Variants in NRG1 observed in about 807,000 individuals in gnomAD.
NRG1 encodes the protein pro-neuregulin-1, membrane-bound isoform.
In NRG1, 18 loss-of-function variants were observed where a neutral mutation model predicts 63.8. That is an observed-to-expected ratio of 0.28 (90% CI 0.19 to 0.42). The LOEUF (loss-of-function observed/expected upper bound fraction) is 0.42, where lower values mean the gene tolerates loss of function less well. Ranked by LOEUF, NRG1 falls within the 10% of genes least tolerant of loss-of-function variation. The pLI, the probability that NRG1 is intolerant of heterozygous loss-of-function variation, is 1.00. For synonymous variants in NRG1, 302 were observed against 301.3 expected (o/e 1.00, Z -0.02); for missense variants, 762 against 814.7 (o/e 0.94, Z 0.79).
chr8:32,494,095 A>G (rs187805634), intron 1 of NRG1, among the ~76,000 whole-genome samples: 53 of 152,332 alleles, frequency 3.5e-4, no homozygotes, highest in African/African-American at 1.1e-3. Flanking sequence ...TTTTACAATA[A>G]TAAAACACTT....
At chr8:31,757,816 G>T (rs1167928481) in intron 1 of NRG1, among the ~76,000 whole-genome samples, 1 of 151,964 alleles carries the variant, frequency 6.6e-6, no homozygotes, top group African/African-American at 2.4e-5. Context: ...AATAAATTTT[G>T]ACAGGTGTAT....
intron 1 of NRG1, among the ~76,000 whole-genome samples, chr8:31,856,514 C>G (rs895139360): frequency 1.7e-4 from 26 of 152,168 alleles, no homozygotes; most frequent in Admixed American, 1.6e-3. Context: ...ATACATTCTT[C>G]TAAATGTTTT....
At chr8:32,280,446 T>C (rs1213554396) in intron 1 of NRG1, among the ~76,000 whole-genome samples, 1 of 152,184 alleles carries the variant, frequency 6.6e-6, no homozygotes, top group African/African-American at 2.4e-5. Flanking sequence ...TTTGAAAACA[T>C]TATGCTAAGT....
chr8:32,548,381 C>A, exon 1 of NRG1: 1 of 1,043,220 alleles, frequency 9.6e-7, no homozygotes, highest in Non-Finnish European at 1.2e-6. Context: ...ACGATGGGAG[C>A]GTGAGCAGGA....
At chr8:32,034,278 C>T (rs868071733) in intron 1 of NRG1, among the ~76,000 whole-genome samples, 1 of 152,128 alleles carries the variant, frequency 6.6e-6, no homozygotes, top group African/African-American at 2.4e-5. Context: ...GTTGAACAAG[C>T]CTTGCATACC....
At chr8:32,432,645 G>A (rs909857840) in intron 1 of NRG1, among the ~76,000 whole-genome samples, 2 of 152,058 alleles carry the variant, frequency 1.3e-5, no homozygotes, top group South Asian at 4.1e-4. Context: ...GAGTAGCTGG[G>A]ACTACAGGTG....
chr8:31,818,439 G>A (rs1823663835), intron 1 of NRG1, among the ~76,000 whole-genome samples: 1 of 152,118 alleles, frequency 6.6e-6, no homozygotes, highest in Non-Finnish European at 1.5e-5. Flanking sequence ...TTGGCACCAG[G>A]AACCAGTATC....
intron 1 of NRG1, among the ~76,000 whole-genome samples, chr8:32,038,387 G>C (rs898381178): frequency 6.6e-6 from 1 of 151,976 alleles, no homozygotes; most frequent in Non-Finnish European, 1.5e-5. Context: ...TTTTGTTCTT[G>C]GTGGAAGCTG....
chr8:32,665,953 A>G (rs1332615132), intron 5 of NRG1, among the ~76,000 whole-genome samples: 1 of 152,214 alleles, frequency 6.6e-6, no homozygotes, highest in Non-Finnish European at 1.5e-5. Context: ...CTATTTTAAC[A>G]TAATTCAAAG....
intron 3 of NRG1, 97 bp downstream of exon 3, chr8:32,605,780 T>C (rs1343681071): frequency 8.1e-6 from 11 of 1,352,782 alleles, no homozygotes; most frequent in South Asian, 1.4e-5. Flanking sequence ...TAAATCTCAT[T>C]GTGAACAAAT....
chr8:32,480,147 G>C (rs966478294), intron 1 of NRG1, among the ~76,000 whole-genome samples: 10 of 152,064 alleles, frequency 6.6e-5, no homozygotes, highest in Non-Finnish European at 1.2e-4. Context: ...GTGAAGAGAG[G>C]CTACTGAGAA....
rs1157790284 is a variant in NRG1 at position 32,484,100 on chromosome 8, A to G, written c.38-111728A>G. Among the ~76,000 whole-genome samples, 32 of 89,942 alleles carry G rather than the reference A, an allele frequency of 3.6e-4. 1 individual carries two copies. The highest frequency in any genetic ancestry group is 1.2e-4 in the Non-Finnish European group (5 of 42,826). 59.0% of individuals were successfully genotyped at this position (89,942 alleles called of 152,430 possible). On this transcript the variant is annotated intron_variant, in intron 1 of 10. Coordinates refer to the NRG1 transcript ENST00000519301. The stretch of plus-strand genomic sequence containing the variant: ...CCTGGGCGACAGAGCAAGACTCCGT[A>G]TCAAAAAAAAAAAAAAGAAAGTTTG...
chr8:32,161,800 C>G (rs1422158668), intron 1 of NRG1, among the ~76,000 whole-genome samples: 1 of 152,196 alleles, frequency 6.6e-6, no homozygotes, highest in Non-Finnish European at 1.5e-5. Context: ...TTCAAGGTCA[C>G]GCTGACGTTG....
chr8:32,091,574 G>A (rs1442541251), intron 1 of NRG1, among the ~76,000 whole-genome samples: 1 of 152,150 alleles, frequency 6.6e-6, no homozygotes. Context: ...GCCAGGCTTT[G>A]TTTTTCTCAC....
chr8:32,195,648 A>T (rs1842883816), intron 1 of NRG1, among the ~76,000 whole-genome samples: 1 of 152,190 alleles, frequency 6.6e-6, no homozygotes, highest in South Asian at 2.1e-4. Context: ...AGAATAAAAA[A>T]GCATGGCAAT....
At chr8:32,555,718 G>C (rs912002794) in intron 1 of NRG1, among the ~76,000 whole-genome samples, 1 of 152,128 alleles carries the variant, frequency 6.6e-6, no homozygotes, top group Non-Finnish European at 1.5e-5. Flanking sequence ...TGATCCGCCC[G>C]CCTTGGCCTC....
At chr8:32,242,023 G>A (rs573863039) in intron 1 of NRG1, among the ~76,000 whole-genome samples, 1 of 152,200 alleles carries the variant, frequency 6.6e-6, no homozygotes, top group East Asian at 1.9e-4. Flanking sequence ...AGAGTGTTGG[G>A]ATTACAGGTG....
At chr8:31,881,208 G>T (rs1179299690) in intron 1 of NRG1, among the ~76,000 whole-genome samples, 1 of 152,056 alleles carries the variant, frequency 6.6e-6, no homozygotes, top group Non-Finnish European at 1.5e-5. Flanking sequence ...CAAGTCTATT[G>T]GTGCCATTGT....
At chr8:31,917,948 A>G (rs1342158330) in intron 1 of NRG1, among the ~76,000 whole-genome samples, 1 of 151,994 alleles carries the variant, frequency 6.6e-6, no homozygotes, top group African/African-American at 2.4e-5. Context: ...ATTCCTAGGT[A>G]TTTTATTTTC....
Sources: allele counts gnomAD v4.1 joint callset (sites outside exome capture counted in the v4.1 genomes callset), GRCh38; gene constraint gnomAD v4.1.1; transcripts MANE v1.5; gene names NCBI Gene and HGNC (gene_info 2026-07-23, HGNC 2026-07-21).